Variants in DNHD1 observed in about 807,000 individuals in gnomAD.
DNHD1 encodes the protein dynein heavy chain domain-containing protein 1.
DNHD1 carries 383 observed loss-of-function variants against 458.1 expected under a neutral mutation model. That is an observed-to-expected ratio of 0.84 (90% CI 0.77 to 0.91). The LOEUF (loss-of-function observed/expected upper bound fraction) is 0.91. Among genes scored for constraint, DNHD1 ranks in the 40% least tolerant of loss-of-function variants. The pLI is 0.00. For missense variants in DNHD1, 5,336 were observed against 5,866.1 expected (o/e 0.91, Z 2.95); for synonymous variants, 2,203 against 2,376.9 (o/e 0.93, Z 2.13).
chr11:6,508,412 G>A (rs2250886), intron 4 of DNHD1: 71,974 of 152,968 alleles, frequency 0.47, 17,416 homozygotes, highest in Non-Finnish European at 0.52. Context: ...CATTCTGATT[G>A]TCTCTGCATG....
At position 6,567,759 on chromosome 11, in the gene DNHD1, G is replaced by A; in HGVS notation, c.12250G>A (p.Ala4084Thr). Reference protein sequence around the residue: ...APTMPFKHSQATQPMLILLPP... With the variant: ...APTMPFKHSQTTQPMLILLPP... The stretch of plus-strand genomic sequence containing the variant: ...CACCATGCCCTTTAAACATAGTCAG[G>A]CTACTCAGCCCATGCTGATCTTGTT... The change falls in exon 36 of 43, where the codon GCT becomes ACT. Residue 4084 changes from alanine (A) to threonine (T), a missense_variant. This residue lies in a region of DNHD1 where 695 missense variants were observed against 804.2 expected (regional missense o/e 0.86). Coordinates refer to ENST00000254579, the MANE Select transcript of DNHD1 (RefSeq NM_144666.3). The A allele has an allele frequency of 6.2e-7, 1 of 1,613,940 alleles. No individual in the cohort carries two copies. The highest frequency in any genetic ancestry group is 8.5e-7 in the Non-Finnish European group (1 of 1,179,892).
At chr11:6,559,829 C>A (rs1853548377) in intron 28 of DNHD1, among the ~76,000 whole-genome samples, 1 of 152,252 alleles carries the variant, frequency 6.6e-6, no homozygotes, top group African/African-American at 2.4e-5. Flanking sequence ...TCTTACTCAC[C>A]CTCCTCTACC....
At position 6,528,862 on chromosome 11, in the gene DNHD1, C is replaced by T; in HGVS notation, c.2104-16C>T. 9 of 1,551,348 alleles carry T rather than the reference C, an allele frequency of 5.8e-6. No homozygotes were observed. Among genetic ancestry groups the T allele is most frequent in the Non-Finnish European group, 7.8e-6 (9 of 1,146,774 alleles). ...TAGCCGCATGCCTCTGCCCTAAACA[C>T]CTTGTCTGCCCTTAGGGCGTGCTGT... On this transcript the variant is annotated splice_polypyrimidine_tract_variant and intron_variant, in intron 11 of 42. Coordinates refer to ENST00000254579, the MANE Select transcript of DNHD1 (RefSeq NM_144666.3).
Position 6,547,557 on chromosome 11 carries a change from G to C in DNHD1, c.6618G>C (p.Gly2206=), listed in dbSNP as rs140681479. The C allele has an allele frequency of 6.4e-7, 1 of 1,550,972 alleles. No homozygotes were observed. Among genetic ancestry groups the C allele is most frequent in the Admixed American group, 2.0e-5 (1 of 50,998 alleles). ...TCAGCTCTCTGCTGCAGGTACACGG[G>C]CAGCAGGCTGTTTGTGCAGGTGTGG... ...QGVSSLLQVH[G]QQAVCAGVAE... The change falls in exon 21 of 43, where the codon GGG becomes GGC. Residue 2206 remains glycine, a synonymous_variant. Coordinates refer to ENST00000254579, the MANE Select transcript of DNHD1 (RefSeq NM_144666.3).
At chr11:6,534,217 C>T in intron 14 of DNHD1, 44 bp downstream of exon 14, 1 of 1,518,936 alleles carries the variant, frequency 6.6e-7, no homozygotes. Context: ...CTGTGATAGA[C>T]CCTTCAACTG....
Position 6,528,761 on chromosome 11 carries a change from C to G in DNHD1, c.2077C>G (p.Leu693Val), listed in dbSNP as rs1271379539. 4.5e-6 allele frequency: 7 copies of G among 1,551,732 alleles called. No homozygotes were observed. In the East Asian group the frequency reaches 1.7e-4, roughly 38 times the overall value. ...CAACAACCCTAAGATCCAGCAGGCA[C>G]TGAATATACAACAGGTGCTGCTGGA... ...LDNNPKIQQA[L>V]NIQQVLLEGV... The change falls in exon 11 of 43, where the codon CTG (leucine) becomes GTG (valine). Residue 693 changes from leucine (L) to valine (V), a missense_variant. By Grantham distance (32) the Leu-to-Val change is conservative. Around this residue, in one of 4 missense-constraint regions of DNHD1, gnomAD observed 3,932 missense variants for 4,365.6 expected, o/e 0.90. Transcript: ENST00000254579.
intron 7 of DNHD1, among the ~76,000 whole-genome samples, chr11:6,515,871 A>AC (rs1589870019): frequency 7.3e-6 from 1 of 137,090 alleles, no homozygotes; most frequent in African/African-American, 2.8e-5. Flanking sequence ...TGCAACCTCC[A>AC]CCCCCTTGGG....
At chr11:6,553,905 T>C (rs1207716950) in intron 24 of DNHD1, among the ~76,000 whole-genome samples, 1 of 152,174 alleles carries the variant, frequency 6.6e-6, no homozygotes, top group Non-Finnish European at 1.5e-5. Context: ...ATTAAGGTCT[T>C]CATTCTCCCC....
At position 6,568,683 on chromosome 11, in the gene DNHD1, C is replaced by G. The variant is rs1211555095; in HGVS notation, c.12680C>G (p.Ser4227Cys). The G allele has an allele frequency of 1.2e-6, 2 of 1,613,828 alleles. No homozygotes were observed. Among genetic ancestry groups the G allele is most frequent in the Non-Finnish European group, 1.7e-6 (2 of 1,179,874 alleles). ...TCCCCAGCTGTGCTGACTCAGCACT[C>G]CATGCCTGTTTTCTGGAACCAGTCC... Reference protein sequence around the residue: ...ASLPAVLTQHSMPVFWNQSLE... With the variant: ...ASLPAVLTQHCMPVFWNQSLE... Residue 4227 changes from serine to cysteine, a missense_variant, in exon 39 of 43, where the codon TCC becomes TGC. Coordinates refer to ENST00000254579, the MANE Select transcript of DNHD1 (RefSeq NM_144666.3).
intron 7 of DNHD1, among the ~76,000 whole-genome samples, chr11:6,513,629 G>T (rs1332250812): frequency 6.6e-6 from 1 of 152,194 alleles, no homozygotes; most frequent in African/African-American, 2.4e-5. Context: ...GGACATTTGG[G>T]TTGGTTCCAG....
At chr11:6,514,605 GAT>G (rs1390145044) in intron 7 of DNHD1, among the ~76,000 whole-genome samples, 1 of 131,720 alleles carries the variant, frequency 7.6e-6, no homozygotes, top group Non-Finnish European at 1.6e-5. Flanking sequence ...TTTGTATTTT[GAT>G]ATAATTTCAA....
At chr11:6,516,965 C>T (rs569786196) in intron 7 of DNHD1, among the ~76,000 whole-genome samples, 10 of 152,230 alleles carry the variant, frequency 6.6e-5, no homozygotes, top group African/African-American at 2.4e-4. Flanking sequence ...TCTTAGTCCA[C>T]TCAGGCCTCT....
intron 8 of DNHD1, 34 bp from the exon 9 acceptor site, chr11:6,519,931 G>A: frequency 1.2e-6 from 2 of 1,613,668 alleles, no homozygotes; most frequent in Non-Finnish European, 1.7e-6. Context: ...CTGACATCTA[G>A]CCCCTCGACC....
Position 6,548,137 on chromosome 11 carries a change from G to C in DNHD1, c.6906-73G>C. The C allele has an allele frequency of 4.5e-6, 7 of 1,542,382 alleles. No homozygotes were observed. The highest frequency in any genetic ancestry group is 6.1e-6 in the Non-Finnish European group (7 of 1,138,876). Reference sequence around the variant, plus strand: ...ATGACATCACTGTTAGGGTATGGTGGAGTGTGTGAGTGTGTCATAAATGGA... The same window carrying C: ...ATGACATCACTGTTAGGGTATGGTGCAGTGTGTGAGTGTGTCATAAATGGA... On this transcript the variant is annotated intron_variant, in intron 22 of 42. Transcript: ENST00000254579. This position sits in a 1 kb window ranked among gnomAD's most constrained non-coding sequence, Gnocchi z 4.4.
At chr11:6,569,861 T>C (rs1853799445) in intron 39 of DNHD1, 148 bp from the exon 40 acceptor site, 1 of 633,098 alleles carries the variant, frequency 1.6e-6, no homozygotes, top group Non-Finnish European at 2.7e-6. Flanking sequence ...GGGGAAATGA[T>C]GATTTCAGTT....
chr11:6,501,523 G>A (rs951543063), intron 3 of DNHD1, among the ~76,000 whole-genome samples: 11 of 152,116 alleles, frequency 7.2e-5, no homozygotes, highest in African/African-American at 2.7e-4. Context: ...TCGGGGGACA[G>A]ATAAGTGTGT....
intron 10 of DNHD1, among the ~76,000 whole-genome samples, chr11:6,527,844 G>A (rs1852740481): frequency 6.6e-6 from 1 of 152,096 alleles, no homozygotes; most frequent in Non-Finnish European, 1.5e-5. Flanking sequence ...TACTAAACTT[G>A]TCAATTAACC....
intron 31 of DNHD1, 90 bp downstream of exon 31, chr11:6,564,214 C>T (rs1853645982): frequency 1.4e-6 from 2 of 1,463,566 alleles, no homozygotes; most frequent in Non-Finnish European, 1.8e-6. Context: ...TCCCTCTGTC[C>T]CTCTCTGCAC....
chr11:6,502,410 G>A (rs1340379818), intron 3 of DNHD1, among the ~76,000 whole-genome samples: 1 of 152,198 alleles, frequency 6.6e-6, no homozygotes, highest in African/African-American at 2.4e-5. Context: ...AATGAGTTGG[G>A]AAAATAAAGT....
Sources: allele counts gnomAD v4.1 joint callset (sites outside exome capture counted in the v4.1 genomes callset), GRCh38; gene constraint gnomAD v4.1.1; regional missense constraint gnomAD v4.1.1; non-coding constraint Gnocchi (gnomAD v3.1); transcripts MANE v1.5; gene names NCBI Gene and HGNC (gene_info 2026-07-23, HGNC 2026-07-21).